GPATCH2: variants seen among roughly 807,000 people sequenced by gnomAD.
GPATCH2 encodes G patch domain-containing protein 2.
GPATCH2 carries 51 observed loss-of-function variants against 58.0 expected under a neutral mutation model. The ratio of observed to expected loss-of-function variants is 0.88; its 90% CI spans 0.70 to 1.11. GPATCH2 has a LOEUF of 1.11. Among genes scored for constraint, GPATCH2 ranks in the 50% most tolerant of loss-of-function variants. GPATCH2 has a pLI of 0.00. For missense variants in GPATCH2, 625 were observed against 652.2 expected, an observed-to-expected ratio of 0.96 and a Z score of 0.45; for synonymous variants, 222 against 218.5, an observed-to-expected ratio of 1.02 and a Z score of -0.14.
intron 5 of GPATCH2, among the ~76,000 whole-genome samples, chr1:217,561,594 T>C (rs1665926940): frequency 6.6e-6 from 1 of 152,174 alleles, no homozygotes; most frequent in South Asian, 2.1e-4. Context: ...CCAAGTTCAT[T>C]TTCAAAACGG....
chr1:217,617,963 C>T (rs1015118625), intron 2 of GPATCH2, among the ~76,000 whole-genome samples: 57 of 151,606 alleles, frequency 3.8e-4, no homozygotes, highest in African/African-American at 1.3e-3. Context: ...AAAAGGAGAA[C>T]TAAAAAAAAG....
chr1:217,449,476 T>C (rs1173288174), intron 8 of GPATCH2, 139 bp from the exon 9 acceptor site: 1 of 612,678 alleles, frequency 1.6e-6, no homozygotes, highest in Non-Finnish European at 2.9e-6. Context: ...ATCTTGTTTA[T>C]ATCGAAACAT....
At chr1:217,594,736 A>G (rs1427143070) in intron 5 of GPATCH2, among the ~76,000 whole-genome samples, 2 of 152,192 alleles carry the variant, frequency 1.3e-5, no homozygotes, top group African/African-American at 2.4e-5. Flanking sequence ...GTCCTCCTAA[A>G]TGAAATCAAG....
At chr1:217,488,246 T>A (rs1476761317) in intron 8 of GPATCH2, among the ~76,000 whole-genome samples, 1 of 152,220 alleles carries the variant, frequency 6.6e-6, no homozygotes. Flanking sequence ...CAAGGTTTTA[T>A]ATAATATTAC....
rs556440000 is a variant in GPATCH2 at position 217,580,477 on chromosome 1, A to G, written c.1098+29844T>C. On this transcript the variant is annotated intron_variant, in intron 5 of 9. Coordinates refer to ENST00000366935, the MANE Select transcript of GPATCH2 (RefSeq NM_018040.5). ...TCTGTATCAAACAAGAAGTGCTTAT[A>G]TTTACTAAAGTATATATGATTATGG... 2.0e-5 allele frequency among the ~76,000 whole-genome samples: 3 copies of G among 152,350 alleles called. No individual in the cohort carries two copies. The East Asian group carries it at 5.8e-4, about 29-fold the overall frequency.
chr1:217,546,051 A>T (rs1665030568), intron 5 of GPATCH2, among the ~76,000 whole-genome samples: 2 of 151,998 alleles, frequency 1.3e-5, no homozygotes, highest in Non-Finnish European at 1.5e-5. Flanking sequence ...CAAAGTTTTA[A>T]TTTTTTTTAA....
At chr1:217,460,565 T>A (rs1035900990) in intron 8 of GPATCH2, among the ~76,000 whole-genome samples, 5 of 152,252 alleles carry the variant, frequency 3.3e-5, no homozygotes, top group Non-Finnish European at 7.3e-5. Context: ...GGCATTCAGA[T>A]GTGCACGTGA....
At chr1:217,627,709 G>C (rs1477003836) in intron 1 of GPATCH2, among the ~76,000 whole-genome samples, 4 of 151,728 alleles carry the variant, frequency 2.6e-5, no homozygotes, top group African/African-American at 9.7e-5. Flanking sequence ...AACCGTGAAT[G>C]GCTTTAAGAA....
At chr1:217,614,115 GA>G in intron 3 of GPATCH2, 25 bp downstream of exon 3, 1 of 1,370,802 alleles carries the variant, frequency 7.3e-7, no homozygotes, top group Non-Finnish European at 1.0e-6. Flanking sequence ...TTTTTCCAAA[GA>G]GAGAAAAAAA....
chr1:217,537,688 G>A (rs1161359117), intron 5 of GPATCH2, among the ~76,000 whole-genome samples: 3 of 152,068 alleles, frequency 2.0e-5, no homozygotes, highest in African/African-American at 7.2e-5. Flanking sequence ...ACCATTGAGG[G>A]CTTAAATGTC....
intron 6 of GPATCH2, among the ~76,000 whole-genome samples, chr1:217,514,123 G>A (rs1457328249): frequency 6.7e-6 from 1 of 150,008 alleles, no homozygotes; most frequent in African/African-American, 2.5e-5. Flanking sequence ...CACCATGCCT[G>A]GCCCCCCCGC....
intron 8 of GPATCH2, among the ~76,000 whole-genome samples, chr1:217,453,520 A>G (rs181449391): frequency 1.4e-4 from 21 of 152,338 alleles, no homozygotes; most frequent in South Asian, 1.0e-3. Flanking sequence ...GAACTCAAAA[A>G]GAAGTCTTTT....
rs1449803997 is a variant in GPATCH2, at chr1:217,620,475, C to T, written c.81G>A (p.Glu27=). The T allele has an allele frequency of 3.0e-5, 48 of 1,611,194 alleles. No individual in the cohort carries two copies. The highest frequency in any genetic ancestry group is 4.0e-5 in the Non-Finnish European group (47 of 1,177,900). ...ATGCTGAGACAAGGTCATGAACCAGCTCCTCCATGGTTCTACTGAAATGCC... is the reference window on the plus strand; with the variant it reads ...ATGCTGAGACAAGGTCATGAACCAGTTCCTCCATGGTTCTACTGAAATGCC... ...NSWHFSRTME[E]LVHDLVSALE... is the part of the protein sequence containing the mutation. Residue 27 remains glutamate, a synonymous_variant, in exon 2 of 10, where the codon GAG becomes GAA. Coordinates refer to ENST00000366935, the MANE Select transcript of GPATCH2 (RefSeq NM_018040.5).
At chr1:217,454,811 T>C (rs758504392) in intron 8 of GPATCH2, among the ~76,000 whole-genome samples, 6 of 151,712 alleles carry the variant, frequency 4.0e-5, no homozygotes, top group Non-Finnish European at 5.9e-5. Flanking sequence ...TTTCATATTT[T>C]TACTAGAGAC....
chr1:217,543,535 T>C (rs7533141), intron 5 of GPATCH2, among the ~76,000 whole-genome samples: 87,152 of 151,870 alleles, frequency 0.57, 25,996 homozygotes, highest in East Asian at 0.93. Flanking sequence ...TCCCAAAGTG[T>C]TGGGATTACA....
intron 5 of GPATCH2, among the ~76,000 whole-genome samples, chr1:217,581,315 T>G (rs973755577): frequency 6.6e-6 from 1 of 152,182 alleles, no homozygotes; most frequent in Non-Finnish European, 1.5e-5. Flanking sequence ...TAAACTTTAA[T>G]GCCTAGCACA....
intron 5 of GPATCH2, among the ~76,000 whole-genome samples, chr1:217,562,201 T>C (rs1177688572): frequency 2.0e-5 from 3 of 152,158 alleles, no homozygotes; most frequent in African/African-American, 4.8e-5. Flanking sequence ...CCCCCCTCCC[T>C]TTTTTAAAAC....
At chr1:217,519,580 C>T (rs1663347019) in intron 5 of GPATCH2, among the ~76,000 whole-genome samples, 1 of 152,168 alleles carries the variant, frequency 6.6e-6, no homozygotes, top group Non-Finnish European at 1.5e-5. Flanking sequence ...ATCCATCTTA[C>T]CAACGTGCCA....
At chr1:217,597,344 T>TAA (rs746764158) in intron 5 of GPATCH2, among the ~76,000 whole-genome samples, 2 of 134,306 alleles carry the variant, frequency 1.5e-5, no homozygotes, top group East Asian at 2.2e-4. Context: ...TCTTGTCTCT[T>TAA]AAAAAAAAAA....
Sources: allele counts gnomAD v4.1 joint callset (sites outside exome capture counted in the v4.1 genomes callset), GRCh38; gene constraint gnomAD v4.1.1; transcripts MANE v1.5; gene names NCBI Gene and HGNC (gene_info 2026-07-23, HGNC 2026-07-21).